TSHZ2: variants seen among roughly 807,000 people sequenced by gnomAD.
TSHZ2 encodes the protein teashirt zinc finger homeobox 2.
Under a neutral mutation model 74.4 loss-of-function variants are expected in TSHZ2, and 21 were observed. The observed-to-expected ratio is 0.28, with a 90% CI of 0.20 to 0.41. The LOEUF is 0.41. TSHZ2 is among the 10% of genes least tolerant of loss of function. TSHZ2 has a pLI of 1.00. For synonymous variants in TSHZ2, 540 were observed against 515.3 expected (o/e 1.05, Z -0.65); for missense variants, 1,244 against 1,293.5 (o/e 0.96, Z 0.59).
At chr20:53,267,307 G>A (rs182923528) in intron 2 of TSHZ2, among the ~76,000 whole-genome samples, 1 of 152,190 alleles carries the variant, frequency 6.6e-6, no homozygotes, top group Non-Finnish European at 1.5e-5. Context: ...CCAGTAAGAA[G>A]AGGGACAAGT....
At chr20:53,426,968 C>T (rs8182884) in intron 2 of TSHZ2, among the ~76,000 whole-genome samples, 1 of 152,184 alleles carries the variant, frequency 6.6e-6, no homozygotes, top group African/African-American at 2.4e-5. Flanking sequence ...TTTTGTGGGG[C>T]ACCAATGATT....
At chr20:53,190,065 A>G (rs1988690749) in intron 1 of TSHZ2, among the ~76,000 whole-genome samples, 1 of 117,418 alleles carries the variant, frequency 8.5e-6, no homozygotes, top group South Asian at 2.8e-4. Context: ...AGCCTGGGTG[A>G]CCAAACAAGA....
At position 53,255,326 on chromosome 20, in the gene TSHZ2, C is replaced by T. The variant is rs902035318; in HGVS notation, c.1868C>T (p.Ala623Val). The T allele has an allele frequency of 2.5e-6, 4 of 1,613,896 alleles. No homozygotes were observed. The African/African-American group carries it at 4.0e-5, about 16-fold the overall frequency. ...GGGAAAGAAAGTCCCCACGAAGAGG[C>T]CTCATCTTTCAGCCACAGTGAGGGC... ...ECGKESPHEE[A>V]SSFSHSEGDS... The change falls in exon 2 of 3, where the codon GCC becomes GTC. Residue 623 changes from alanine to valine, a missense_variant. Ala to Val is a moderately conservative substitution (Grantham distance 64, BLOSUM62 0). Around this residue, in one of 6 missense-constraint regions of TSHZ2, gnomAD observed 562 missense variants for 544.0 expected, o/e 1.03. Transcript: ENST00000371497. The surrounding 1 kb of genome is among the most constrained non-coding windows in gnomAD (Gnocchi z 4.1).
chr20:52,993,602 T>C (rs1982069158), intron 1 of TSHZ2, among the ~76,000 whole-genome samples: 4 of 152,202 alleles, frequency 2.6e-5, no homozygotes, highest in Admixed American at 2.0e-4. Context: ...CAATTGGAAT[T>C]CTTAGGCACA....
chr20:53,160,964 G>A (rs917370498), intron 1 of TSHZ2, among the ~76,000 whole-genome samples: 3 of 151,802 alleles, frequency 2.0e-5, no homozygotes, highest in Non-Finnish European at 2.9e-5. Context: ...GCAGACCAGT[G>A]ATAGGCTTTA....
At chr20:53,346,374 G>T (rs1287670100) in intron 2 of TSHZ2, among the ~76,000 whole-genome samples, 1 of 152,178 alleles carries the variant, frequency 6.6e-6, no homozygotes, top group Non-Finnish European at 1.5e-5. Flanking sequence ...CAGAAAATAG[G>T]AAGGGAACGG....
intron 2 of TSHZ2, among the ~76,000 whole-genome samples, chr20:53,317,055 T>C (rs1003102473): frequency 6.6e-6 from 1 of 152,190 alleles, no homozygotes; most frequent in African/African-American, 2.4e-5. Flanking sequence ...ATTTAGCTAA[T>C]AACAGTGTGA....
chr20:53,449,902 ATG>A (rs1451202331), intron 2 of TSHZ2, among the ~76,000 whole-genome samples: 2 of 152,182 alleles, frequency 1.3e-5, no homozygotes, highest in Non-Finnish European at 2.9e-5. Context: ...ACTTTTTGTT[ATG>A]TGCTTTGCAT....
intron 1 of TSHZ2, among the ~76,000 whole-genome samples, chr20:53,095,539 GAAC>G (rs140183258): frequency 0.067 from 10,160 of 152,112 alleles, 433 homozygotes; most frequent in Non-Finnish European, 0.1. Context: ...AGGTGGCAGG[GAAC>G]AACAACAGCA....
intron 1 of TSHZ2, among the ~76,000 whole-genome samples, chr20:53,181,590 A>C (rs1336830393): frequency 1.3e-5 from 2 of 152,086 alleles, no homozygotes; most frequent in Non-Finnish European, 2.9e-5. Context: ...GCTTTTATTT[A>C]GAAATTAACA....
intron 1 of TSHZ2, among the ~76,000 whole-genome samples, chr20:53,038,412 T>C (rs1324213690): frequency 4.6e-5 from 7 of 152,086 alleles, no homozygotes; most frequent in African/African-American, 1.7e-4. Context: ...GGTTGCTGTT[T>C]ACGGCCTGTC....
chr20:53,124,622 A>G lies in TSHZ2; in HGVS notation c.41-128877A>G, dbSNP rs1028884183. On this transcript the variant is annotated intron_variant, in intron 1 of 2. Coordinates refer to ENST00000371497, the MANE Select transcript of TSHZ2 (RefSeq NM_173485.6). ...AGCCCTAGTTATAGACTCAAGTTAT[A>G]ACAATAGTCATCATATAGCAATAAA... 6.8e-4 allele frequency among the ~76,000 whole-genome samples: 104 copies of G among 152,226 alleles called. 1 individual carries two copies. Among genetic ancestry groups the G allele is most frequent in the Non-Finnish European group, 1.2e-4 (8 of 68,038 alleles).
chr20:53,196,024 G>A (rs1988856311), intron 1 of TSHZ2, among the ~76,000 whole-genome samples: 1 of 152,092 alleles, frequency 6.6e-6, no homozygotes, highest in African/African-American at 2.4e-5. Flanking sequence ...GGCCAGTCTC[G>A]GCTTCTGCGT....
intron 2 of TSHZ2, among the ~76,000 whole-genome samples, chr20:53,313,686 T>G (rs1183061661): frequency 6.6e-6 from 1 of 152,248 alleles, no homozygotes. Context: ...TTCCCATTTT[T>G]AATACATTCT....
chr20:53,243,434 G>C (rs1990118084), intron 1 of TSHZ2, among the ~76,000 whole-genome samples: 1 of 152,150 alleles, frequency 6.6e-6, no homozygotes, highest in Non-Finnish European at 1.5e-5. Flanking sequence ...AGCTTAAACT[G>C]AAAGTTCTCC....
intron 1 of TSHZ2, among the ~76,000 whole-genome samples, chr20:53,242,828 C>T (rs1990104321): frequency 6.6e-6 from 1 of 152,146 alleles, no homozygotes; most frequent in Non-Finnish European, 1.5e-5. Context: ...CTTATGGGTC[C>T]AATCATTCAT....
At chr20:53,425,157 G>A (rs1983611526) in intron 2 of TSHZ2, among the ~76,000 whole-genome samples, 1 of 152,038 alleles carries the variant, frequency 6.6e-6, no homozygotes. Flanking sequence ...TTCCAAAATG[G>A]ACCACCCTCT....
intron 2 of TSHZ2, among the ~76,000 whole-genome samples, chr20:53,318,089 A>G (rs1333079263): frequency 2.0e-5 from 3 of 152,238 alleles, no homozygotes; most frequent in African/African-American, 7.2e-5. Flanking sequence ...CGAATGTAAT[A>G]CAAGGAAGAG....
Position 52,989,208 on chromosome 20 carries a change from ATG to A in TSHZ2, c.40+15877_40+15878del, listed in dbSNP as rs1491112716. Among the ~76,000 whole-genome samples, 1,200 of 147,774 alleles carry A rather than the reference ATG, an allele frequency of 8.1e-3. 24 individuals carry two copies. Among genetic ancestry groups the A allele is most frequent in the African/African-American group, 0.028 (1,136 of 40,848 alleles). On this transcript the variant is annotated intron_variant, in intron 1 of 2. Coordinates refer to ENST00000371497, the MANE Select transcript of TSHZ2 (RefSeq NM_173485.6). ...CAATTGTTTTTAGTTATTATTGGTG[ATG>A]TTTTTTTTTAACATTTTTGTTTATT... is the stretch of plus-strand genomic sequence containing the variant.
Sources: allele counts gnomAD v4.1 joint callset (sites outside exome capture counted in the v4.1 genomes callset), GRCh38; gene constraint gnomAD v4.1.1; regional missense constraint gnomAD v4.1.1; non-coding constraint Gnocchi (gnomAD v3.1); transcripts MANE v1.5; gene names NCBI Gene and HGNC (gene_info 2026-07-23, HGNC 2026-07-21).